KLHL6: variants seen among roughly 807,000 people sequenced by gnomAD.
The protein encoded by KLHL6 is kelch-like protein 6.
KLHL6 carries 41 observed loss-of-function variants against 58.6 expected under a neutral mutation model. The observed-to-expected ratio is 0.70, with a 90% confidence interval of 0.55 to 0.91. KLHL6 has a LOEUF of 0.91. Among genes scored for constraint, KLHL6 ranks in the 40% least tolerant of loss-of-function variants. KLHL6 has a pLI of 0.00. For missense variants in KLHL6, 714 were observed against 805.6 expected (o/e 0.89, Z 1.38); for synonymous variants, 338 against 322.7 (o/e 1.05, Z -0.51).
chr3:183,554,273 T>A (rs987353548), intron 1 of KLHL6, among the ~76,000 whole-genome samples: 3 of 152,088 alleles, frequency 2.0e-5, no homozygotes, highest in Non-Finnish European at 4.4e-5. Context: ...CAATAAGTCA[T>A]CCTTAGCTGA....
intron 2 of KLHL6, among the ~76,000 whole-genome samples, chr3:183,509,157 T>C (rs1384342499): frequency 1.3e-5 from 2 of 152,232 alleles, no homozygotes; most frequent in African/African-American, 4.8e-5. Flanking sequence ...TTAAGACACA[T>C]TGACCAATTG....
At chr3:183,537,622 G>A (rs911490401) in intron 1 of KLHL6, among the ~76,000 whole-genome samples, 7 of 152,192 alleles carry the variant, frequency 4.6e-5, no homozygotes, top group South Asian at 2.1e-4. Flanking sequence ...TCCCACAACA[G>A]TCATGAAAAT....
intron 2 of KLHL6, among the ~76,000 whole-genome samples, chr3:183,519,672 A>T (rs148918876): frequency 2.8e-3 from 422 of 152,104 alleles, no homozygotes; most frequent in Admixed American, 4.4e-3. Flanking sequence ...GGATTGCTTG[A>T]GGCAAGGAGT....
At chr3:183,544,299 G>T (rs1412967432) in intron 1 of KLHL6, among the ~76,000 whole-genome samples, 1 of 152,014 alleles carries the variant, frequency 6.6e-6, no homozygotes, top group Non-Finnish European at 1.5e-5. Context: ...CATGTAGGTT[G>T]CCTAAGTGAT....
intron 1 of KLHL6, among the ~76,000 whole-genome samples, chr3:183,541,648 T>C (rs1282167551): frequency 6.6e-6 from 1 of 152,154 alleles, no homozygotes; most frequent in Non-Finnish European, 1.5e-5. Context: ...AAGTCCAGCC[T>C]GGGCAACATA....
Position 183,500,054 on chromosome 3 carries a change from C to T in KLHL6, c.910-227G>A, listed in dbSNP as rs527450487. 2.6e-5 allele frequency among the ~76,000 whole-genome samples: 4 copies of T among 152,292 alleles called. No individual in the cohort carries two copies. In the South Asian group the frequency reaches 6.2e-4, roughly 24 times the overall value. ...ATGGGATAATGTACACAGTGTGCTTCGCCCAGGACCTGGTGCATAACAGGT... is the reference window on the plus strand; with the variant it reads ...ATGGGATAATGTACACAGTGTGCTTTGCCCAGGACCTGGTGCATAACAGGT... On this transcript the variant is annotated intron_variant, in intron 3 of 6. Coordinates refer to ENST00000341319, the MANE Select transcript of KLHL6 (RefSeq NM_130446.4).
At chr3:183,522,968 C>G (rs1711821152) in intron 2 of KLHL6, 1 of 152,196 alleles carries the variant, frequency 6.6e-6, no homozygotes, top group Admixed American at 6.5e-5. Context: ...CCAGGCCCAG[C>G]TAATTTTTCT....
chr3:183,510,656 C>A (rs1718156406), intron 2 of KLHL6, among the ~76,000 whole-genome samples: 1 of 152,110 alleles, frequency 6.6e-6, no homozygotes, highest in African/African-American at 2.4e-5. Flanking sequence ...ATGCAGATCA[C>A]CTGAGATCAG....
At chr3:183,511,480 T>A (rs1240583728) in intron 2 of KLHL6, among the ~76,000 whole-genome samples, 1 of 152,136 alleles carries the variant, frequency 6.6e-6, no homozygotes, top group Non-Finnish European at 1.5e-5. Context: ...CTTTTACTAA[T>A]CCTCCTCAGC....
intron 1 of KLHL6, among the ~76,000 whole-genome samples, chr3:183,531,706 A>G (rs1023113690): frequency 1.3e-5 from 2 of 151,956 alleles, no homozygotes; most frequent in African/African-American, 4.8e-5. Flanking sequence ...TCTGCCTCCC[A>G]AAGTGCTGGG....
chr3:183,533,644 C>T (rs1560106709), intron 1 of KLHL6, among the ~76,000 whole-genome samples: 1 of 152,168 alleles, frequency 6.6e-6, no homozygotes, highest in East Asian at 1.9e-4. Context: ...CAGAAACATT[C>T]AAAAGTCAAA....
Position 183,507,985 on chromosome 3 carries a change from C to T in KLHL6, c.909+74G>A, listed in dbSNP as rs1431222299. On this transcript the variant is annotated intron_variant, in intron 3 of 6. Coordinates refer to ENST00000341319, the MANE Select transcript of KLHL6 (RefSeq NM_130446.4). ...CCTAAGGATTTTTGAATCCGCTTTG[C>T]TTGCATCTCTGTGAGCCCCTAGCTA... 6 of 1,342,050 alleles carry T rather than the reference C, an allele frequency of 4.5e-6. No individual in the cohort carries two copies. The East Asian group carries it at 9.4e-5, about 21-fold the overall frequency. The allele number at this position is 1,342,050 out of a possible 1,614,324, so 83.1% of individuals were successfully genotyped here.
intron 2 of KLHL6, among the ~76,000 whole-genome samples, chr3:183,518,485 T>C (rs975543894): frequency 2.0e-5 from 3 of 152,158 alleles, no homozygotes; most frequent in Non-Finnish European, 2.9e-5. Flanking sequence ...CTTAGTAATT[T>C]GTGGTAGTTA....
Position 183,494,269 on chromosome 3 carries a change from G to A in KLHL6, c.1160C>T (p.Thr387Ile). The change falls in exon 5 of 7, where the codon ACA becomes ATA. Residue 387 changes from threonine to isoleucine, a missense_variant. Physicochemically the swap from Thr to Ile is moderately conservative, Grantham distance 89 (BLOSUM62 -1). This residue lies in a region of KLHL6 where 510 missense variants were observed against 629.7 expected (regional missense o/e 0.81). Coordinates refer to ENST00000341319, the MANE Select transcript of KLHL6 (RefSeq NM_130446.4). ...NEVYISGGKE[T>I]QHDVWKYNSS... ...ATTATATTTCCAAACATCATGCTGT[G>A]TTTCTTTGCCACCTGCAAGAGATAC... The A allele has an allele frequency of 1.2e-6, 2 of 1,613,416 alleles. No homozygotes were observed. Among genetic ancestry groups the A allele is most frequent in the Non-Finnish European group, 1.7e-6 (2 of 1,179,378 alleles).
rs1305563785 is a variant in KLHL6, at chr3:183,487,894, A to C, written c.*4033T>G. 6.6e-6 allele frequency: 1 copy of C among 152,252 alleles called. No individual in the cohort carries two copies. Among genetic ancestry groups the C allele is most frequent in the Non-Finnish European group, 1.5e-5 (1 of 68,042 alleles). The allele number at this position is 152,252 out of a possible 1,614,324, so 9.4% of individuals were successfully genotyped here. On this transcript the variant is annotated 3_prime_UTR_variant, in exon 7 of 7. Coordinates refer to ENST00000341319, the MANE Select transcript of KLHL6 (RefSeq NM_130446.4). ...CATAAGAAATCCTTATGGTGTTGCC[A>C]ACGTTAAAAATTCTATTGAGCACTT...
chr3:183,528,911 T>C (rs1421765823), intron 1 of KLHL6, among the ~76,000 whole-genome samples: 1 of 152,068 alleles, frequency 6.6e-6, no homozygotes, highest in African/African-American at 2.4e-5. Context: ...TGCCCACCAG[T>C]GATAGACTGG....
At chr3:183,514,183 C>T (rs961249879) in intron 2 of KLHL6, among the ~76,000 whole-genome samples, 3 of 152,194 alleles carry the variant, frequency 2.0e-5, no homozygotes, top group Non-Finnish European at 2.9e-5. Flanking sequence ...AGGCAGCAGA[C>T]GCTAACCAAA....
rs1051479158 is a variant in KLHL6 at position 183,543,299 on chromosome 3, A to G, written c.293+12062T>C. The stretch of plus-strand genomic sequence containing the variant: ...GAAACTCCATTTCAAAAAAAAAAAA[A>G]AGAGAGAGAGAGAGATAATACTATG... On this transcript the variant is annotated intron_variant, in intron 1 of 6. Transcript: ENST00000341319. Among the ~76,000 whole-genome samples, 15 of 151,580 alleles carry G rather than the reference A, an allele frequency of 9.9e-5. No homozygotes were observed. In the South Asian group the frequency reaches 1.7e-3, roughly 17 times the overall value.
intron 1 of KLHL6, among the ~76,000 whole-genome samples, chr3:183,537,272 T>C (rs1049920069): frequency 2.6e-5 from 4 of 152,138 alleles, no homozygotes; most frequent in East Asian, 3.9e-4. Flanking sequence ...AGCTCAGCAG[T>C]GCACGAAAAC....
Sources: allele counts gnomAD v4.1 joint callset (sites outside exome capture counted in the v4.1 genomes callset), GRCh38; gene constraint gnomAD v4.1.1; regional missense constraint gnomAD v4.1.1; transcripts MANE v1.5; gene names NCBI Gene and HGNC (gene_info 2026-07-23, HGNC 2026-07-21).